DLC1: variants seen among roughly 807,000 people sequenced by gnomAD.
DLC1 encodes rho GTPase-activating protein 7.
DLC1 carries 54 observed loss-of-function variants against 140.3 expected under a neutral mutation model. That is an observed-to-expected ratio of 0.38 (90% CI 0.31 to 0.48). The LOEUF (loss-of-function observed/expected upper bound fraction) is 0.48, where lower values mean the gene tolerates loss of function less well. Ranked by LOEUF, DLC1 falls within the 20% of genes least tolerant of loss-of-function variation. DLC1 has a pLI of 0.96. For missense variants in DLC1, 2,536 were observed against 1,907.0 expected, an observed-to-expected ratio of 1.33 and a Z score of -6.14; for synonymous variants, 986 against 728.1, an observed-to-expected ratio of 1.35 and a Z score of -5.70.
chr8:13,562,872 T>C (rs1804290282), intron 1 of DLC1, among the ~76,000 whole-genome samples: 2 of 151,814 alleles, frequency 1.3e-5, no homozygotes, highest in South Asian at 4.2e-4. Flanking sequence ...CTATATGCTG[T>C]TGTAAAGTGG....
At chr8:13,319,819 CTCTTTTTT>C (rs1833017782) in intron 4 of DLC1, among the ~76,000 whole-genome samples, 1 of 76,150 alleles carries the variant, frequency 1.3e-5, no homozygotes, top group African/African-American at 4.9e-5. Context: ...TTCTCTCTCT[CTCTTTTTT>C]TTTTTTTTTT....
intron 2 of DLC1, among the ~76,000 whole-genome samples, chr8:13,432,150 C>T (rs770905805): frequency 6.6e-6 from 1 of 152,142 alleles, no homozygotes; most frequent in Non-Finnish European, 1.5e-5. Flanking sequence ...AACATCCTCA[C>T]CAAAATATAT....
chr8:13,088,939 A>G (rs1022990908), intron 15 of DLC1, among the ~76,000 whole-genome samples: 6 of 152,280 alleles, frequency 3.9e-5, no homozygotes, highest in Admixed American at 3.9e-4. Context: ...AAAGTGAAAA[A>G]AAGCTGTTGT....
rs548400194 is a variant in DLC1, at chr8:13,157,394, G to A, written c.1349-41737C>T. 2.0e-5 allele frequency among the ~76,000 whole-genome samples: 3 copies of A among 152,326 alleles called. 1 individual carries two copies. The South Asian group carries it at 6.2e-4, about 32-fold the overall frequency. On this transcript the variant is annotated intron_variant, in intron 5 of 17. Coordinates refer to ENST00000276297, the MANE Select transcript of DLC1 (RefSeq NM_182643.3). ...GAAAATTTACCACAGGGAAGAACAT[G>A]TGTTTTTGTAAGAGAGAGCCTGCTA... is the stretch of plus-strand genomic sequence containing the variant.
chr8:13,420,396 G>T (rs1387295828), intron 2 of DLC1, among the ~76,000 whole-genome samples: 2 of 152,068 alleles, frequency 1.3e-5, no homozygotes, highest in African/African-American at 4.8e-5. Context: ...GCCAATAACT[G>T]ACTATTTTTT....
chr8:13,442,617 C>G (rs1376596184), intron 2 of DLC1, among the ~76,000 whole-genome samples: 1 of 152,210 alleles, frequency 6.6e-6, no homozygotes, highest in Non-Finnish European at 1.5e-5. Flanking sequence ...CTCATCATCA[C>G]TGGCCATCAG....
At chr8:13,094,078 C>CA (rs1447703855) in intron 12 of DLC1, among the ~76,000 whole-genome samples, 2 of 152,104 alleles carry the variant, frequency 1.3e-5, no homozygotes, top group Admixed American at 1.3e-4. Flanking sequence ...AACGGCCCTC[C>CA]AAGAGGGGTG....
At chr8:13,322,755 G>A (rs1833177335) in intron 4 of DLC1, among the ~76,000 whole-genome samples, 1 of 152,148 alleles carries the variant, frequency 6.6e-6, no homozygotes, top group African/African-American at 2.4e-5. Flanking sequence ...GCATGGGGAT[G>A]GCAATTCTCA....
intron 5 of DLC1, among the ~76,000 whole-genome samples, chr8:13,244,289 C>T (rs1192692350): frequency 1.3e-5 from 2 of 148,990 alleles, no homozygotes; most frequent in African/African-American, 5.0e-5. Flanking sequence ...CATGATCTTC[C>T]CTTTCCAATT....
chr8:13,480,394 G>A (rs1259686842), intron 2 of DLC1, among the ~76,000 whole-genome samples: 2 of 152,076 alleles, frequency 1.3e-5, no homozygotes, highest in African/African-American at 4.8e-5. Context: ...AAAATAGAAA[G>A]AACGTAAAAG....
At chr8:13,086,583 G>T (rs1198869919) in intron 16 of DLC1, 120 bp from the exon 17 acceptor site, 9 of 1,136,758 alleles carry the variant, frequency 7.9e-6, no homozygotes, top group Admixed American at 2.4e-5. Flanking sequence ...GCCATGCTGT[G>T]TGACCCAGGC....
chr8:13,332,511 A>T (rs904958023), intron 4 of DLC1, among the ~76,000 whole-genome samples: 1 of 150,558 alleles, frequency 6.6e-6, no homozygotes, highest in East Asian at 1.9e-4. Context: ...GCTCATTGCA[A>T]CCTCCACCTC....
At chr8:13,434,236 G>T (rs1038196786) in intron 2 of DLC1, among the ~76,000 whole-genome samples, 1 of 152,180 alleles carries the variant, frequency 6.6e-6, no homozygotes, top group Admixed American at 6.5e-5. Flanking sequence ...TTTTACAAAT[G>T]AGGATGATGT....
At chr8:13,382,436 G>A (rs1021059274) in intron 4 of DLC1, among the ~76,000 whole-genome samples, 5 of 146,598 alleles carry the variant, frequency 3.4e-5, no homozygotes, top group Admixed American at 1.4e-4. Context: ...GAACCCCAGG[G>A]GGCGGAGCCT....
chr8:13,505,119 T>C (rs1024831894), intron 1 of DLC1, among the ~76,000 whole-genome samples: 4 of 152,078 alleles, frequency 2.6e-5, no homozygotes, highest in Non-Finnish European at 5.9e-5. Context: ...GGAAAAATAG[T>C]TTTACAAGAA....
In DLC1 at chr8:13,445,341, A is replaced by G. The variant is rs551258443; in HGVS notation, c.1024-43722T>C. ...TGTGGGAGGATAAACGAATGATCTG[A>G]GGAAGGAAGCAGGAAACTCTAGGCA... On this transcript the variant is annotated intron_variant, in intron 2 of 17. Transcript: ENST00000276297. Among the ~76,000 whole-genome samples, 24 of 152,318 alleles carry G rather than the reference A, an allele frequency of 1.6e-4. No individual in the cohort carries two copies. The Middle Eastern group carries it at 0.01, about 65-fold the overall frequency.
At chr8:13,297,866 G>A (rs1248882203) in intron 5 of DLC1, among the ~76,000 whole-genome samples, 1 of 150,958 alleles carries the variant, frequency 6.6e-6, no homozygotes, top group African/African-American at 2.4e-5. Flanking sequence ...TTCCATTTTA[G>A]TTTTTTTTTG....
At chr8:13,148,448 C>G (rs937112072) in intron 5 of DLC1, among the ~76,000 whole-genome samples, 1 of 152,192 alleles carries the variant, frequency 6.6e-6, no homozygotes, top group South Asian at 2.1e-4. Flanking sequence ...CACATTCCCG[C>G]AAAAGACAGG....
At chr8:13,210,606 T>G (rs1827890819) in intron 5 of DLC1, among the ~76,000 whole-genome samples, 1 of 152,238 alleles carries the variant, frequency 6.6e-6, no homozygotes, top group African/African-American at 2.4e-5. Flanking sequence ...AAATCAATTT[T>G]AGAAATACTT....
Sources: gnomAD v4.1 joint callset for allele counts (sites outside exome capture counted in the v4.1 genomes callset) on GRCh38, gnomAD v4.1.1 for gene constraint, MANE v1.5 for transcripts, NCBI Gene and HGNC (gene_info 2026-07-23, HGNC 2026-07-21) for gene names.